The following SIRT2 variants were observed in gnomAD, a reference collection of about 807,000 sequenced individuals.
The protein encoded by SIRT2 is NAD-dependent protein deacetylase sirtuin-2.
A neutral mutation model predicts 57.4 loss-of-function variants in SIRT2; 40 were observed. That is an observed-to-expected ratio of 0.70 (90% CI 0.54 to 0.91). The LOEUF (loss-of-function observed/expected upper bound fraction) is 0.91, where lower values mean the gene tolerates loss of function less well. Among genes scored for constraint, SIRT2 ranks in the 40% least tolerant of loss-of-function variants. The pLI is 0.00. For missense variants in SIRT2, 439 were observed against 510.4 expected (o/e 0.86, Z 1.35); for synonymous variants, 161 against 195.7 (o/e 0.82, Z 1.48).
intron 4 of SIRT2, among the ~76,000 whole-genome samples, chr19:38,891,266 G>C (rs1232456435): frequency 6.6e-6 from 1 of 152,158 alleles, no homozygotes; most frequent in Non-Finnish European, 1.5e-5. Context: ...GAAATTTTTA[G>C]GGCCGGGCCC....
At chr19:38,892,882 A>G (rs1973588915) in intron 4 of SIRT2, among the ~76,000 whole-genome samples, 1 of 152,142 alleles carries the variant, frequency 6.6e-6, no homozygotes, top group Non-Finnish European at 1.5e-5. Context: ...CTGGTCCTAT[A>G]TTAATTTATT....
At chr19:38,886,399 G>A (rs986818162) in intron 8 of SIRT2, among the ~76,000 whole-genome samples, 11 of 151,618 alleles carry the variant, frequency 7.3e-5, no homozygotes, top group Non-Finnish European at 2.9e-5. Context: ...ACTGAACAGC[G>A]TGGAAAAGAA....
intron 2 of SIRT2, chr19:38,894,950 C>T (rs954394465): frequency 1.3e-5 from 6 of 455,776 alleles, no homozygotes; most frequent in African/African-American, 1.2e-4. Flanking sequence ...CCCAGCCTCT[C>T]ACTCCTACTA....
In SIRT2 at chr19:38,890,156, G is replaced by A; in HGVS notation, c.227-12C>T. ...GATGACTCTGCGACCTGGAGGAGAGGAACTTATGCACCATATGACACCGTT... is the reference window on the plus strand; with the variant it reads ...GATGACTCTGCGACCTGGAGGAGAGAAACTTATGCACCATATGACACCGTT... On this transcript the variant is annotated splice_polypyrimidine_tract_variant and intron_variant, in intron 4 of 15. Transcript: ENST00000249396. 1 of 1,614,080 alleles carries A rather than the reference G, an allele frequency of 6.2e-7. No homozygotes were observed. The highest frequency in any genetic ancestry group is 8.5e-7 in the Non-Finnish European group (1 of 1,179,956).
intron 2 of SIRT2, among the ~76,000 whole-genome samples, chr19:38,896,082 G>A (rs915091506): frequency 5.3e-5 from 8 of 150,088 alleles, no homozygotes; most frequent in Admixed American, 1.3e-4. Flanking sequence ...AAAAAAAAGA[G>A]AGAGAGAAAG....
In SIRT2 at chr19:38,880,440, C is replaced by CA; in HGVS notation, c.876+244dup. ...ACCCCTGCACCCCCTCCCACCTCCT[C>CA]AGTCCCTGGAAGCCCGGCCTTCCTA... On this transcript the variant is annotated intron_variant, in intron 13 of 15. Transcript: ENST00000249396. This position sits in a 1 kb window ranked among gnomAD's most constrained non-coding sequence, Gnocchi z 4.1. 2.2e-6 allele frequency: 1 copy of CA among 450,884 alleles called. No individual in the cohort carries two copies. Among genetic ancestry groups the CA allele is most frequent in the East Asian group, 3.4e-5 (1 of 29,052 alleles). The allele number at this position is 450,884 out of a possible 1,614,324, so 27.9% of individuals were successfully genotyped here.
intron 9 of SIRT2, 125 bp downstream of exon 9, chr19:38,883,502 A>AAAAC: frequency 1.5e-6 from 2 of 1,331,964 alleles, no homozygotes; most frequent in South Asian, 2.7e-5. Flanking sequence ...CTCTGTCTCA[A>AAAAC]AAACAAACAA....
At chr19:38,898,126 C>T (rs1331306155) in intron 2 of SIRT2, among the ~76,000 whole-genome samples, 1 of 152,204 alleles carries the variant, frequency 6.6e-6, no homozygotes, top group Non-Finnish European at 1.5e-5. Context: ...AAATGTGGTT[C>T]AGAAGGGATG....
At chr19:38,896,624 C>T (rs1044654686) in intron 2 of SIRT2, among the ~76,000 whole-genome samples, 1 of 152,198 alleles carries the variant, frequency 6.6e-6, no homozygotes, top group Non-Finnish European at 1.5e-5. Flanking sequence ...TGCCCTGTGA[C>T]GGACAATGCT....
intron 9 of SIRT2, 94 bp from the exon 10 acceptor site, chr19:38,881,585 C>T: frequency 2.1e-6 from 2 of 943,376 alleles, no homozygotes; most frequent in Non-Finnish European, 3.4e-6. Context: ...CCACTGTTAA[C>T]ATGAACACAC....
Position 38,879,496 on chromosome 19 carries a change from C to A in SIRT2, c.952G>T (p.Val318Leu). The A allele has an allele frequency of 6.2e-7, 1 of 1,604,020 alleles. No homozygotes were observed. The highest frequency in any genetic ancestry group is 8.5e-7 in the Non-Finnish European group (1 of 1,175,332). ...TGGTCGCATTCACCCAGCCAGGCCA[C>A]GTCCCTGCGGTGCAGCAGGAGATCA... Reference protein sequence around the residue: ...DFDSKKAYRDVAWLGECDQGC... With the variant: ...DFDSKKAYRDLAWLGECDQGC... The change falls in exon 15 of 16, where the codon GTG becomes TTG. Residue 318 changes from valine to leucine, a missense_variant. By Grantham distance (32) the Val-to-Leu change is conservative (BLOSUM62 1). Transcript: ENST00000249396.
At chr19:38,882,755 T>C (rs927043233) in intron 9 of SIRT2, among the ~76,000 whole-genome samples, 9 of 152,212 alleles carry the variant, frequency 5.9e-5, no homozygotes, top group Admixed American at 4.6e-4. Context: ...ATTGTTTCAA[T>C]GTCAGTAGTC....
chr19:38,879,173 C>G lies in SIRT2; in HGVS notation c.1152G>C (p.Glu384Asp). 6.3e-7 allele frequency: 1 copy of G among 1,576,298 alleles called. No individual in the cohort carries two copies. Among genetic ancestry groups the G allele is most frequent in the Non-Finnish European group, 8.6e-7 (1 of 1,168,146 alleles). ...PPAKDEARTT[E>D]REKPQ ...GCAGCTGTCACTGGGGTTTCTCCCTCTCTGTTGTCCTGGCCTCGTCCTTGG... is the reference window on the plus strand; with the variant it reads ...GCAGCTGTCACTGGGGTTTCTCCCTGTCTGTTGTCCTGGCCTCGTCCTTGG... The change falls in exon 16 of 16, where the codon GAG becomes GAC. Residue 384 changes from glutamate (E) to aspartate (D), a missense_variant. By Grantham distance (45) the Glu-to-Asp change is conservative (BLOSUM62 2). Coordinates refer to ENST00000249396, the MANE Select transcript of SIRT2 (RefSeq NM_012237.4).
At chr19:38,882,912 G>GC (rs1973200341) in intron 9 of SIRT2, among the ~76,000 whole-genome samples, 1 of 151,980 alleles carries the variant, frequency 6.6e-6, no homozygotes, top group South Asian at 2.1e-4. Context: ...GGAATCCTCA[G>GC]CCCAGGGGCA....
chr19:38,892,078 G>A (rs1324965497), intron 4 of SIRT2: 3 of 360,090 alleles, frequency 8.3e-6, no homozygotes, highest in African/African-American at 4.4e-5. Flanking sequence ...CTCAGACTTT[G>A]GTGACCTCAA....
At chr19:38,882,728 G>GCA (rs1477510794) in intron 9 of SIRT2, among the ~76,000 whole-genome samples, 3 of 151,880 alleles carry the variant, frequency 2.0e-5, no homozygotes, top group Admixed American at 2.0e-4. Flanking sequence ...CATTCATTCA[G>GCA]CACACATTTA....
At position 38,878,968 on chromosome 19, in the gene SIRT2, GGT is replaced by G. The variant is rs1280420292; in HGVS notation, c.*185_*186del. 8.8e-6 allele frequency: 5 copies of G among 570,030 alleles called. No individual in the cohort carries two copies. The highest frequency in any genetic ancestry group is 1.5e-5 in the Non-Finnish European group (5 of 334,018). 35.3% of individuals were successfully genotyped at this position (570,030 alleles called of 1,614,324 possible). The stretch of plus-strand genomic sequence containing the variant: ...CCTGTTTAAGCCTTGGCCTCTAGGA[GGT>G]GTTAGAGATTTGCTGGGGTTGGGGG... On this transcript the variant is annotated 3_prime_UTR_variant, in exon 16 of 16. Coordinates refer to ENST00000249396, the MANE Select transcript of SIRT2 (RefSeq NM_012237.4).
intron 9 of SIRT2, 30 bp downstream of exon 9, chr19:38,883,595 AGG>A (rs1294185481): frequency 4.1e-5 from 66 of 1,605,036 alleles, no homozygotes; most frequent in Non-Finnish European, 5.6e-5. Flanking sequence ...TGCTGAGAGG[AGG>A]CCTGCCCTCA....
At chr19:38,891,832 C>T (rs993549608) in intron 4 of SIRT2, 1 of 468,184 alleles carries the variant, frequency 2.1e-6, no homozygotes, top group Non-Finnish European at 4.4e-6. Flanking sequence ...GGAACAAATG[C>T]TTTGTAGCCA....
Sources: allele counts gnomAD v4.1 joint callset (sites outside exome capture counted in the v4.1 genomes callset), GRCh38; gene constraint gnomAD v4.1.1; non-coding constraint Gnocchi (gnomAD v3.1); transcripts MANE v1.5; gene names NCBI Gene and HGNC (gene_info 2026-07-23, HGNC 2026-07-21).